Variants in NLGN1 observed in about 807,000 individuals in gnomAD.
NLGN1 encodes neuroligin-1.
In NLGN1, 12 loss-of-function variants were observed where a neutral mutation model predicts 65.5. The ratio of observed to expected loss-of-function variants is 0.18; its 90% confidence interval spans 0.12 to 0.30. The LOEUF (loss-of-function observed/expected upper bound fraction) is 0.30, where lower values mean the gene tolerates loss of function less well. Among genes scored for constraint, NLGN1 ranks in the 10% least tolerant of loss-of-function variants. NLGN1 has a pLI of 1.00. For missense variants in NLGN1, 750 were observed against 1,007.1 expected, an observed-to-expected ratio of 0.74 and a Z score of 3.46; for synonymous variants, 350 against 359.5, an observed-to-expected ratio of 0.97 and a Z score of 0.30.
chr3:173,524,902 T>C (rs960677492), intron 2 of NLGN1, among the ~76,000 whole-genome samples: 3 of 152,122 alleles, frequency 2.0e-5, no homozygotes, highest in African/African-American at 7.2e-5. Context: ...CTTGCATTCC[T>C]GTAATAAAAA....
At chr3:173,959,566 G>A (rs1713032543) in intron 4 of NLGN1, among the ~76,000 whole-genome samples, 1 of 152,094 alleles carries the variant, frequency 6.6e-6, no homozygotes, top group Non-Finnish European at 1.5e-5. Context: ...ATAATATGAG[G>A]AATTACATAA....
rs182564584 is a variant in NLGN1 at position 174,252,848 on chromosome 3, C to T, written c.647-22467C>T. Among the ~76,000 whole-genome samples the T allele has an allele frequency of 1.1e-3, 164 of 152,216 alleles. 1 individual carries two copies. The highest frequency in any genetic ancestry group is 3.7e-3 in the African/African-American group (152 of 41,528). On this transcript the variant is annotated intron_variant, in intron 4 of 6. Coordinates refer to ENST00000457714, the Ensembl canonical transcript of NLGN1. ...CATCATTTTCCACATACTGTCTCCACGGTGAGATTGCAGGAAGGTGCAAAA... is the reference window on the plus strand; with the variant it reads ...CATCATTTTCCACATACTGTCTCCATGGTGAGATTGCAGGAAGGTGCAAAA...
At chr3:174,290,836 A>G (rs1049386704), downstream of NLGN1, among the ~76,000 whole-genome samples, 3 of 151,032 alleles carry the variant, frequency 2.0e-5, no homozygotes, top group Non-Finnish European at 3.0e-5. Flanking sequence ...AAATATATAA[A>G]CTTATCAGAA....
chr3:173,663,614 T>C (rs960739898), intron 3 of NLGN1, among the ~76,000 whole-genome samples: 9 of 151,920 alleles, frequency 5.9e-5, no homozygotes, highest in Non-Finnish European at 1.3e-4. Context: ...CCTAAAGATA[T>C]TAAAACCACC....
intron 5 of NLGN1, among the ~76,000 whole-genome samples, chr3:174,276,016 A>G (rs1247829103): frequency 2.0e-5 from 3 of 151,930 alleles, no homozygotes; most frequent in African/African-American, 7.2e-5. Context: ...TGAGTACAGA[A>G]TGGATTGTTG....
intron 4 of NLGN1, among the ~76,000 whole-genome samples, chr3:174,195,304 A>T (rs4894652): frequency 0.75 from 113,715 of 152,134 alleles, 42,552 homozygotes; most frequent in East Asian, 0.83. Flanking sequence ...TAAGATCTCT[A>T]TTTTAGAAAA....
chr3:173,624,314 TGACTTTTCAA>T (rs1754486076), intron 3 of NLGN1, among the ~76,000 whole-genome samples: 1 of 152,154 alleles, frequency 6.6e-6, no homozygotes, highest in Non-Finnish European at 1.5e-5. Flanking sequence ...CCTACTTCAC[TGACTTTTCAA>T]GAATTCTAGT....
At chr3:173,816,723 G>A (rs532990962) in intron 4 of NLGN1, among the ~76,000 whole-genome samples, 5 of 152,120 alleles carry the variant, frequency 3.3e-5, no homozygotes, top group Non-Finnish European at 7.3e-5. Context: ...TGTTCCAGTG[G>A]TCATTTATAC....
In NLGN1 at chr3:173,880,489, A is replaced by AT. The variant is rs955915340; in HGVS notation, c.646+72667dup. ...TATTGCAATCAAGTGATTCACACAA[A>AT]TTTTTTTTTTATTTTCTAGTGCTTT... is the stretch of plus-strand genomic sequence containing the variant. On this transcript the variant is annotated intron_variant, in intron 4 of 6. Coordinates refer to ENST00000457714, the Ensembl canonical transcript of NLGN1. Among the ~76,000 whole-genome samples the AT allele has an allele frequency of 2.4e-3, 362 of 149,862 alleles. 2 individuals are homozygous for AT. Among genetic ancestry groups the AT allele is most frequent in the African/African-American group, 8.0e-3 (327 of 41,062 alleles).
chr3:173,504,015 T>G (rs889905460), intron 2 of NLGN1, among the ~76,000 whole-genome samples: 1 of 152,070 alleles, frequency 6.6e-6, no homozygotes, highest in Non-Finnish European at 1.5e-5. Flanking sequence ...ACATCAGAAA[T>G]CTGATAATTA....
At chr3:173,867,073 G>T (rs1361812224) in intron 4 of NLGN1, among the ~76,000 whole-genome samples, 1 of 152,110 alleles carries the variant, frequency 6.6e-6, no homozygotes, top group African/African-American at 2.4e-5. Context: ...CTCCTAGGAA[G>T]ATCTAGCAGC....
intron 2 of NLGN1, among the ~76,000 whole-genome samples, chr3:173,562,925 A>C (rs1743005116): frequency 6.6e-6 from 1 of 152,174 alleles, no homozygotes; most frequent in Admixed American, 6.5e-5. Context: ...GATGTCTAAT[A>C]AGATTGACCT....
At chr3:173,875,587 A>G (rs1295461429) in intron 4 of NLGN1, among the ~76,000 whole-genome samples, 1 of 152,206 alleles carries the variant, frequency 6.6e-6, no homozygotes, top group Non-Finnish European at 1.5e-5. Flanking sequence ...AGCAAGACTT[A>G]TTATTTATTC....
intron 2 of NLGN1, among the ~76,000 whole-genome samples, chr3:173,453,107 T>A (rs1459394163): frequency 6.6e-6 from 1 of 151,958 alleles, no homozygotes; most frequent in Non-Finnish European, 1.5e-5. Flanking sequence ...TTTCTTTTTT[T>A]TTTTTGAGAA....
intron 2 of NLGN1, among the ~76,000 whole-genome samples, chr3:173,509,697 A>T (rs1732611936): frequency 6.6e-6 from 1 of 152,216 alleles, no homozygotes; most frequent in South Asian, 2.1e-4. Context: ...AGCAAACAAT[A>T]AGTCAGGATA....
rs1050024229 is a variant in NLGN1, at chr3:174,279,189, T to C, written c.1188T>C (p.Val396=). 24 of 1,613,306 alleles carry C rather than the reference T, an allele frequency of 1.5e-5. No homozygotes were observed. The African/African-American group carries it at 3.2e-4, about 22-fold the overall frequency. The change falls in exon 6 of 7, where the codon GTT becomes GTC. Residue 396 remains valine, a synonymous_variant. Transcript: ENST00000457714. This position sits in a 1 kb window ranked among gnomAD's most constrained non-coding sequence, Gnocchi z 4.7. ...ACCAAGGGGAAGGGTTAAAATTTGT[T>C]GAAAATATAGTAGATAGCGATGATG...
At position 173,604,494 on chromosome 3, in the gene NLGN1, TG is replaced by T; in HGVS notation, c.-104del. The T allele has an allele frequency of 1.6e-6, 2 of 1,262,664 alleles. 1 individual carries two copies. Among genetic ancestry groups the T allele is most frequent in the South Asian group, 2.8e-5 (2 of 70,238 alleles). 78.2% of individuals were successfully genotyped at this position (1,262,664 alleles called of 1,614,324 possible). A position where few individuals can be genotyped will look rare whatever the true frequency, so the allele number is the denominator to read the frequency against. Reference sequence around the variant, plus strand: ...CAGAGCTTTTCTCGACAAGCTCCCCTGTAAGAAATCGGAGGTATATTCTACC... The same window carrying T: ...CAGAGCTTTTCTCGACAAGCTCCCCTTAAGAAATCGGAGGTATATTCTACC... On this transcript the variant is annotated 5_prime_UTR_variant, in exon 3 of 7. An upstream open reading frame in the 5' UTR loses its in-frame stop. Transcript: ENST00000457714.
intron 4 of NLGN1, among the ~76,000 whole-genome samples, chr3:173,947,059 A>T (rs1458100827): frequency 2.2e-5 from 3 of 134,930 alleles, no homozygotes; most frequent in Admixed American, 7.7e-5. Flanking sequence ...AGTTGTTAGG[A>T]TTTTTTTTTT....
intron 4 of NLGN1, among the ~76,000 whole-genome samples, chr3:173,836,147 G>T (rs755736240): frequency 2.0e-5 from 3 of 151,948 alleles, no homozygotes; most frequent in Non-Finnish European, 2.9e-5. Context: ...AAACAATACC[G>T]TCATGACTAT....
Sources: allele counts gnomAD v4.1 joint callset (sites outside exome capture counted in the v4.1 genomes callset), GRCh38; gene constraint gnomAD v4.1.1; non-coding constraint Gnocchi (gnomAD v3.1); transcripts MANE v1.5; gene names NCBI Gene and HGNC (gene_info 2026-07-23, HGNC 2026-07-21).